The following LPA variants were observed in gnomAD, a reference collection of about 807,000 sequenced individuals.
The protein encoded by LPA is lipoprotein(a).
A neutral mutation model predicts 197.9 loss-of-function variants in LPA; 199 were observed. That is an observed-to-expected ratio of 1.01 (90% CI 0.90 to 1.13). The LOEUF (loss-of-function observed/expected upper bound fraction) is 1.13. Ranked by LOEUF, LPA falls within the 50% of genes most tolerant of loss-of-function variation. The probability of loss-of-function intolerance (pLI) is 0.00; values close to 1 mark genes in which losing one functional copy is unlikely to be tolerated. For missense variants in LPA, 1,853 were observed against 1,785.8 expected, an observed-to-expected ratio of 1.04 and a Z score of -0.68; for synonymous variants, 715 against 639.5, an observed-to-expected ratio of 1.12 and a Z score of -1.78.
chr6:160,641,164 T>C (rs1779847911), intron 4 of LPA, among the ~76,000 whole-genome samples: 1 of 114,608 alleles, frequency 8.7e-6, no homozygotes, highest in African/African-American at 3.7e-5. Flanking sequence ...TTCTGCCCAA[T>C]CCATCTCTCT....
intron 19 of LPA, 62 bp downstream of exon 19, chr6:160,600,855 G>T: frequency 6.4e-7 from 1 of 1,557,780 alleles, no homozygotes; most frequent in Non-Finnish European, 8.8e-7. Flanking sequence ...TGCGTCAGTG[G>T]GGGTATCCAT....
At chr6:160,654,306 G>A (rs988763065) in intron 1 of LPA, among the ~76,000 whole-genome samples, 20 of 149,150 alleles carry the variant, frequency 1.3e-4, no homozygotes, top group African/African-American at 4.7e-4. Context: ...ATTCAGTCTA[G>A]TCTTTTCACA....
chr6:160,601,041 A>G lies in LPA; in HGVS notation c.3003T>C (p.Tyr1001=). The change falls in exon 19 of 39, where the codon TAT becomes TAC. Residue 1001 remains tyrosine, a synonymous_variant. Coordinates refer to ENST00000316300, the MANE Select transcript of LPA (RefSeq NM_005577.4). The part of the protein sequence containing the change: ...NPDPVAAPWC[Y]TTDPSVRWEY... The stretch of plus-strand genomic sequence containing the variant: ...CCCACCTGACACTGGGATCTGTTGT[A>G]TAACACCAAGGGGCTGCCACAGGAT... 1 of 1,614,124 alleles carries G rather than the reference A, an allele frequency of 6.2e-7. No individual in the cohort carries two copies. Among genetic ancestry groups the G allele is most frequent in the Non-Finnish European group, 8.5e-7 (1 of 1,179,962 alleles).
intron 26 of LPA, among the ~76,000 whole-genome samples, chr6:160,584,237 T>TTCCTCCTCCTCC: frequency 1.4e-5 from 1 of 69,474 alleles, no homozygotes; most frequent in East Asian, 5.8e-4. Context: ...CTTCTTCTTC[T>TTCCTCCTCCTCC]TCCTCCTCCT....
rs190369740 is a variant in LPA, at chr6:160,652,352, T to C, written c.50-1855A>G. Among the ~76,000 whole-genome samples the C allele has an allele frequency of 3.9e-5, 6 of 152,276 alleles. No individual in the cohort carries two copies. In the East Asian group the frequency reaches 1.2e-3, roughly 29 times the overall value. On this transcript the variant is annotated intron_variant, in intron 1 of 38. Transcript: ENST00000316300. ...TACAAAGAAACAAAGATCAGATTTC[T>C]AGTCAGAAACTATTCAAAACGGAAT...
At position 160,611,601 on chromosome 6, in the gene LPA, G is replaced by C; in HGVS notation, c.2564C>G (p.Pro855Arg). The C allele has an allele frequency of 6.2e-7, 1 of 1,601,916 alleles. No homozygotes were observed. Reference protein sequence around the residue: ...RTCQAWSSMTPHSHSRTPEYY... With the variant: ...RTCQAWSSMTRHSHSRTPEYY... ...TTCTGGGGTCCGACTATGCGAGTGT[G>C]GTGTCATAGATGACCAAGCTTGGCA... The change falls in exon 16 of 39, where the codon CCA becomes CGA. Residue 855 changes from proline (P) to arginine (R), a missense_variant. By Grantham distance (103) the Pro-to-Arg change is moderately radical (BLOSUM62 -2). Around this residue, in one of 3 missense-constraint regions of LPA, gnomAD observed 1,737 missense variants for 1,504.4 expected, o/e 1.15. Transcript: ENST00000316300.
intron 20 of LPA, among the ~76,000 whole-genome samples, chr6:160,596,687 G>T (rs1424902379): frequency 6.6e-6 from 1 of 152,120 alleles, no homozygotes; most frequent in Non-Finnish European, 1.5e-5. Flanking sequence ...TACTTTTCAC[G>T]TAGCAAAGTC....
chr6:160,605,320 T>C, intron 17 of LPA, 115 bp from the exon 18 acceptor site: 2 of 1,212,580 alleles, frequency 1.6e-6, no homozygotes, highest in Non-Finnish European at 1.2e-6. Flanking sequence ...CTCAGGAGAA[T>C]ATGACAAGTA....
At chr6:160,585,610 A>G (rs1382229690) in intron 25 of LPA, among the ~76,000 whole-genome samples, 2 of 151,854 alleles carry the variant, frequency 1.3e-5, no homozygotes, top group Non-Finnish European at 2.9e-5. Context: ...TATACATGAA[A>G]CCCTTGCACA....
At position 160,539,947 on chromosome 6, in the gene LPA, C is replaced by A. The variant is rs536949623; in HGVS notation, c.5735+96G>T. 3 of 1,540,966 alleles carry A rather than the reference C, an allele frequency of 1.9e-6. No individual in the cohort carries two copies. In the African/African-American group the frequency reaches 4.1e-5, roughly 21 times the overall value. On this transcript the variant is annotated intron_variant, in intron 36 of 38. Transcript: ENST00000316300. ...GAGCCTTTCATGTGATAGACAGTTCCTCCCCACTGCCATGCAGTGGCCATG... is the reference window on the plus strand; with the variant it reads ...GAGCCTTTCATGTGATAGACAGTTCATCCCCACTGCCATGCAGTGGCCATG...
At chr6:160,611,211 T>C (rs183836119) in intron 16 of LPA, among the ~76,000 whole-genome samples, 1 of 152,094 alleles carries the variant, frequency 6.6e-6, no homozygotes, top group African/African-American at 2.4e-5. Flanking sequence ...CCTTCAGGAA[T>C]TGGAAGTCAG....
intron 28 of LPA, among the ~76,000 whole-genome samples, chr6:160,575,817 C>T (rs1326824662): frequency 1.2e-4 from 18 of 152,170 alleles, no homozygotes; most frequent in Admixed American, 1.2e-3. Context: ...GAATCACTCC[C>T]TGTGCATATG....
chr6:160,604,326 C>A (rs1295683037), intron 18 of LPA, among the ~76,000 whole-genome samples: 2 of 152,184 alleles, frequency 1.3e-5, no homozygotes, highest in Admixed American at 1.3e-4. Context: ...ATTGTTCCCC[C>A]TGTCACTATT....
At chr6:160,566,928 T>C (rs111459827) in intron 28 of LPA, among the ~76,000 whole-genome samples, 6 of 152,068 alleles carry the variant, frequency 3.9e-5, no homozygotes, top group Non-Finnish European at 8.8e-5. Flanking sequence ...GGGACCAATT[T>C]AACAAGAAGA....
intron 29 of LPA, 66 bp from the exon 30 acceptor site, chr6:160,556,250 C>T: frequency 6.8e-7 from 1 of 1,471,858 alleles, no homozygotes; most frequent in African/African-American, 1.4e-5. Context: ...CAATTTATGA[C>T]ACAAACAGGA....
intron 28 of LPA, among the ~76,000 whole-genome samples, chr6:160,560,836 T>C (rs978180762): frequency 1.3e-5 from 2 of 152,224 alleles, no homozygotes; most frequent in Non-Finnish European, 2.9e-5. Context: ...TTTGCTGTTT[T>C]AGTCATGAAG....
intron 33 of LPA, 40 bp from the exon 34 acceptor site, chr6:160,542,848 A>G (rs780542164): frequency 6.2e-7 from 1 of 1,613,178 alleles, no homozygotes. Flanking sequence ...ATTTGAGTCC[A>G]AGTTAGCAAT....
chr6:160,579,591 G>C (rs41272122), intron 26 of LPA, among the ~76,000 whole-genome samples: 2,191 of 152,320 alleles, frequency 0.014, 47 homozygotes, highest in African/African-American at 0.051. Context: ...GGCACAGCAG[G>C]TGAAGACCCC....
chr6:160,550,018 C>G (rs550001855), intron 30 of LPA, among the ~76,000 whole-genome samples: 1 of 152,250 alleles, frequency 6.6e-6, no homozygotes, highest in South Asian at 2.1e-4. Flanking sequence ...GTCAACAGAG[C>G]GAGACCATCT....
Sources: gnomAD v4.1 joint callset for allele counts (sites outside exome capture counted in the v4.1 genomes callset) on GRCh38, gnomAD v4.1.1 for gene constraint, gnomAD v4.1.1 regional missense constraint, MANE v1.5 for transcripts, NCBI Gene and HGNC (gene_info 2026-07-23, HGNC 2026-07-21) for gene names.